The following TMEM181 variants were observed in gnomAD, a reference collection of about 807,000 sequenced individuals.
TMEM181 encodes the protein G protein-coupled receptor 178.
Under a neutral mutation model 71.9 loss-of-function variants are expected in TMEM181, and 39 were observed. That is an observed-to-expected ratio of 0.54 (90% CI 0.42 to 0.71). TMEM181 has a LOEUF of 0.71. TMEM181 is among the 30% of genes least tolerant of loss of function. The pLI is 0.00. For missense variants in TMEM181, 595 were observed against 583.0 expected, an observed-to-expected ratio of 1.02 and a Z score of -0.21; for synonymous variants, 245 against 228.8, an observed-to-expected ratio of 1.07 and a Z score of -0.64.
chr6:158,608,349 C>T lies in TMEM181; in HGVS notation c.690C>T (p.Leu230=). ...GTGTTCCAGATCCGTTCTTCCCCCT[C>T]TCCTTCCTGGTCAACAGCTGGCTCC... ...LLLYNDPFFP[L]SFLVNSWLPG... The change falls in exon 9 of 17, where the codon CTC becomes CTT. Residue 230 remains leucine (L), a synonymous_variant. Transcript: ENST00000684151. 3.1e-6 allele frequency: 5 copies of T among 1,614,262 alleles called. No homozygotes were observed. The highest frequency in any genetic ancestry group is 4.2e-6 in the Non-Finnish European group (5 of 1,180,052).
In TMEM181 at chr6:158,541,806, C is replaced by G. The variant is rs186170636; in HGVS notation, c.131+4941C>G. 2.7e-5 allele frequency among the ~76,000 whole-genome samples: 4 copies of G among 148,870 alleles called. No individual in the cohort carries two copies. The East Asian group carries it at 7.9e-4, about 30-fold the overall frequency. On this transcript the variant is annotated intron_variant, in intron 1 of 16. Coordinates refer to the TMEM181 transcript ENST00000367090. ...CTTGTTTTCAAGTTATTGGGTACAC[C>G]TCAGTGTAACTATTGACTGACAACT... is the stretch of plus-strand genomic sequence containing the variant.
chr6:158,551,280 A>G (rs1781716558), intron 1 of TMEM181, among the ~76,000 whole-genome samples: 1 of 152,144 alleles, frequency 6.6e-6, no homozygotes, highest in Admixed American at 6.6e-5. Flanking sequence ...ATTTTATGCA[A>G]TTAATTTTTG....
chr6:158,585,604 A>G (rs1257098399), intron 5 of TMEM181, among the ~76,000 whole-genome samples, 179 bp downstream of exon 5: 1 of 152,250 alleles, frequency 6.6e-6, no homozygotes, highest in Non-Finnish European at 1.5e-5. Flanking sequence ...TTACAGTTGG[A>G]TACCCTTAAA....
intron 6 of TMEM181, among the ~76,000 whole-genome samples, chr6:158,596,867 T>TC (rs1232665925): frequency 6.6e-6 from 1 of 152,094 alleles, no homozygotes; most frequent in African/African-American, 2.4e-5. Context: ...GAAAGGCTGG[T>TC]CCCCATGATT....
At chr6:158,614,984 A>G (rs10806697) in intron 10 of TMEM181, among the ~76,000 whole-genome samples, 70,679 of 151,980 alleles carry the variant, frequency 0.47, 16,636 homozygotes, top group East Asian at 0.66. Flanking sequence ...ATGATTTGTC[A>G]TCCTTTGGGT....
chr6:158,609,479 A>G (rs1234008653), intron 10 of TMEM181, among the ~76,000 whole-genome samples: 1 of 152,124 alleles, frequency 6.6e-6, no homozygotes, highest in East Asian at 1.9e-4. Context: ...GCAAAACCCC[A>G]ATGCTATTAC....
At chr6:158,611,646 G>A (rs1421807266) in intron 10 of TMEM181, 3 of 319,092 alleles carry the variant, frequency 9.4e-6, no homozygotes, top group African/African-American at 2.2e-5. Context: ...GACTCCCTGA[G>A]TGCTCTGAAT....
At chr6:158,565,941 A>G (rs1028620632) in intron 1 of TMEM181, among the ~76,000 whole-genome samples, 2 of 152,200 alleles carry the variant, frequency 1.3e-5, no homozygotes, top group Admixed American at 6.5e-5. Context: ...CTGAAAGGAC[A>G]GTTCCCGGCA....
At chr6:158,629,578 TGGAGTCCTGACGTCTG>T (rs1786542272) in intron 14 of TMEM181, 136 bp from the exon 15 acceptor site, 1 of 618,402 alleles carries the variant, frequency 1.6e-6, no homozygotes, top group African/African-American at 1.9e-5. Context: ...GCTTGAACTG[TGGAGTCCTGACGTCTG>T]GGTAATGGAC....
At chr6:158,596,456 G>A (rs1784395267) in intron 6 of TMEM181, among the ~76,000 whole-genome samples, 1 of 152,150 alleles carries the variant, frequency 6.6e-6, no homozygotes, top group Admixed American at 6.5e-5. Flanking sequence ...CATTCCTGGA[G>A]TCTGGGCTCC....
intron 1 of TMEM181, chr6:158,572,408 T>C (rs1035025492): frequency 1.1e-5 from 5 of 456,556 alleles, no homozygotes; most frequent in African/African-American, 2.0e-5. Context: ...GACCAGAACA[T>C]GCGAGGACAA....
chr6:158,597,709 C>T (rs149282351), intron 6 of TMEM181, among the ~76,000 whole-genome samples: 508 of 152,172 alleles, frequency 3.3e-3, no homozygotes, highest in African/African-American at 0.011. Context: ...CGGGGTCTCA[C>T]TGTGTTGCCC....
intron 13 of TMEM181, among the ~76,000 whole-genome samples, chr6:158,628,001 G>C (rs1786424622): frequency 6.6e-6 from 1 of 152,258 alleles, no homozygotes; most frequent in African/African-American, 2.4e-5. Context: ...AAGGGGAGCT[G>C]TGACGAAGGA....
intron 1 of TMEM181, among the ~76,000 whole-genome samples, chr6:158,571,263 A>AT (rs1491154451): frequency 6.9e-6 from 1 of 145,620 alleles, no homozygotes; most frequent in African/African-American, 2.6e-5. Flanking sequence ...CGCCCGGCTA[A>AT]TTTTTTGTGT....
chr6:158,604,766 A>G (rs1228835465), intron 6 of TMEM181, among the ~76,000 whole-genome samples: 3 of 152,214 alleles, frequency 2.0e-5, no homozygotes, highest in South Asian at 4.1e-4. Flanking sequence ...AGAGATTGAC[A>G]AGCTTGATTT....
At chr6:158,545,840 C>T (rs1408543313) in intron 1 of TMEM181, among the ~76,000 whole-genome samples, 1 of 152,100 alleles carries the variant, frequency 6.6e-6, no homozygotes, top group Admixed American at 6.5e-5. Context: ...GGAGCTCTGG[C>T]TTCCCATTCT....
intron 1 of TMEM181, among the ~76,000 whole-genome samples, chr6:158,539,289 G>A: frequency 6.6e-6 from 1 of 152,208 alleles, no homozygotes; most frequent in South Asian, 2.1e-4. Flanking sequence ...GTGAGAAGAT[G>A]TTTTAGATCA....
intron 5 of TMEM181, among the ~76,000 whole-genome samples, chr6:158,587,870 AAAAGTGAGAC>A (rs1312900373): frequency 6.6e-6 from 1 of 152,160 alleles, no homozygotes; most frequent in Non-Finnish European, 1.5e-5. Flanking sequence ...AACATCCCTG[AAAAGTGAGAC>A]AAATTCTTAA....
chr6:158,578,435 T>C (rs1391554905), intron 2 of TMEM181, among the ~76,000 whole-genome samples: 2 of 152,238 alleles, frequency 1.3e-5, no homozygotes, highest in African/African-American at 2.4e-5. Flanking sequence ...TCTAGTATTA[T>C]TATAACTTTG....
Sources: allele counts gnomAD v4.1 joint callset (sites outside exome capture counted in the v4.1 genomes callset), GRCh38; gene constraint gnomAD v4.1.1; transcripts MANE v1.5; gene names NCBI Gene and HGNC (gene_info 2026-07-23, HGNC 2026-07-21).